Variants in STK10 observed in about 807,000 individuals in gnomAD.
The protein encoded by STK10 is serine/threonine kinase 10.
A neutral mutation model predicts 113.8 loss-of-function variants in STK10; 78 were observed. The ratio of observed to expected loss-of-function variants is 0.69; its 90% CI spans 0.57 to 0.83. The LOEUF (loss-of-function observed/expected upper bound fraction) is 0.83, where lower values mean the gene tolerates loss of function less well. STK10 is among the 40% of genes least tolerant of loss of function. The probability of loss-of-function intolerance (pLI) is 0.00; values close to 1 mark genes in which losing one functional copy is unlikely to be tolerated. For synonymous variants in STK10, 465 were observed against 494.7 expected (o/e 0.94, Z 0.80); for missense variants, 1,109 against 1,280.1 (o/e 0.87, Z 2.04).
rs150864508 is a variant in STK10 at position 172,132,851 on chromosome 5, C to T, written c.322-5430G>A. Among the ~76,000 whole-genome samples, 72 of 152,256 alleles carry T rather than the reference C, an allele frequency of 4.7e-4. No individual in the cohort carries two copies. The East Asian group carries it at 0.013, about 28-fold the overall frequency. On this transcript the variant is annotated intron_variant, in intron 2 of 18. Coordinates refer to ENST00000176763, the MANE Select transcript of STK10 (RefSeq NM_005990.4). ...CAGGGAGAATCAAACAGGTCCCTGC[C>T]CCAAAATCACCAGCTGAGGGAGATA...
chr5:172,156,722 G>C lies in STK10; in HGVS notation c.223C>G (p.Leu75Val). ...TCAATCTCCACGATGTAGTCCTCCA[G>C]CTCCTCCTCACTCTTGGTTTCAATG... is the stretch of plus-strand genomic sequence containing the variant. ...KVIETKSEEE[L>V]EDYIVEIEIL... The change falls in exon 2 of 19, where the codon CTG becomes GTG. Residue 75 changes from leucine (L) to valine (V), a missense_variant. Transcript: ENST00000176763. 1 of 1,614,172 alleles carries C rather than the reference G, an allele frequency of 6.2e-7. No individual in the cohort carries two copies. Among genetic ancestry groups the C allele is most frequent in the African/African-American group, 1.3e-5 (1 of 75,060 alleles).
chr5:172,049,126 T>A (rs1249560839), intron 18 of STK10, among the ~76,000 whole-genome samples: 1 of 152,156 alleles, frequency 6.6e-6, no homozygotes, highest in African/African-American at 2.4e-5. Flanking sequence ...GGCCCCTTAC[T>A]AGAAGGTCGG....
chr5:172,109,347 A>G (rs1198166482), intron 4 of STK10, among the ~76,000 whole-genome samples: 2 of 149,238 alleles, frequency 1.3e-5, no homozygotes, highest in Non-Finnish European at 3.0e-5. Flanking sequence ...TTTTCATGAC[A>G]GAGTCCACTC....
intron 4 of STK10, among the ~76,000 whole-genome samples, chr5:172,110,438 C>T (rs1379117283): frequency 1.3e-5 from 2 of 152,232 alleles, no homozygotes; most frequent in Non-Finnish European, 2.9e-5. Context: ...CGACAGGCAC[C>T]TGGCAAAACC....
At chr5:172,068,863 C>T (rs536852504) in intron 12 of STK10, among the ~76,000 whole-genome samples, 4 of 148,206 alleles carry the variant, frequency 2.7e-5, no homozygotes, top group East Asian at 2.0e-4. Context: ...TCAGCCTGGG[C>T]GACAGAGCAA....
At chr5:172,131,115 G>A (rs1014306785) in intron 2 of STK10, among the ~76,000 whole-genome samples, 2 of 141,246 alleles carry the variant, frequency 1.4e-5, no homozygotes, top group African/African-American at 5.4e-5. Flanking sequence ...CTCACTGCAA[G>A]CTCCGCCTCC....
chr5:172,082,231 C>A lies in STK10; in HGVS notation c.1989+95G>T. ...TCCCGAGCTCTTCAGCCGTACCCCT[C>A]TGCTGCCAAGGTGAGGTTGAGGCCA... On this transcript the variant is annotated intron_variant, in intron 12 of 18. Transcript: ENST00000176763. The surrounding 1 kb of genome is among the most constrained non-coding windows in gnomAD (Gnocchi z 4.3). 1 of 1,387,532 alleles carries A rather than the reference C, an allele frequency of 7.2e-7. No individual in the cohort carries two copies. Among genetic ancestry groups the A allele is most frequent in the Non-Finnish European group, 9.5e-7 (1 of 1,054,008 alleles). The allele number at this position is 1,387,532 out of a possible 1,614,324, so 86.0% of individuals were successfully genotyped here.
intron 4 of STK10, among the ~76,000 whole-genome samples, chr5:172,112,114 C>G (rs1000363615): frequency 3.3e-5 from 5 of 152,214 alleles, no homozygotes; most frequent in Admixed American, 3.3e-4. Flanking sequence ...AAGAATGAGG[C>G]TGTATTTGTA....
At chr5:172,104,391 C>T (rs955832100) in intron 7 of STK10, among the ~76,000 whole-genome samples, 4 of 151,554 alleles carry the variant, frequency 2.6e-5, no homozygotes, top group East Asian at 1.9e-4. Flanking sequence ...CGCCCTAACT[C>T]GAGGCATGGG....
chr5:172,057,050 A>AG (rs1767820369), intron 15 of STK10: 2 of 217,798 alleles, frequency 9.2e-6, no homozygotes, highest in South Asian at 1.5e-4. Context: ...AGAAAGAAAG[A>AG]AAAGAAGAAA....
intron 12 of STK10, among the ~76,000 whole-genome samples, chr5:172,074,513 G>C (rs545708089): frequency 2.6e-5 from 4 of 152,282 alleles, no homozygotes; most frequent in Non-Finnish European, 5.9e-5. Context: ...TATTATAGCA[G>C]TAATAATAAT....
chr5:172,090,068 G>C (rs1768662658), intron 10 of STK10, among the ~76,000 whole-genome samples, 164 bp downstream of exon 10: 1 of 152,090 alleles, frequency 6.6e-6, no homozygotes, highest in Admixed American at 6.5e-5. Context: ...CGGTTGGGTA[G>C]ATGGGGGAGT....
At chr5:172,061,083 T>C in intron 14 of STK10, 56 bp downstream of exon 14, 1 of 1,545,764 alleles carries the variant, frequency 6.5e-7, no homozygotes, top group Non-Finnish European at 8.7e-7. Context: ...TTCCCAGGGC[T>C]GGGATGTCCA....
At chr5:172,100,847 A>G (rs1768974905) in intron 7 of STK10, among the ~76,000 whole-genome samples, 1 of 152,178 alleles carries the variant, frequency 6.6e-6, no homozygotes, top group Admixed American at 6.6e-5. Flanking sequence ...AGGCGCTGGC[A>G]TCTCTTTCAA....
chr5:172,122,099 C>G (rs900290643), intron 3 of STK10, among the ~76,000 whole-genome samples: 3 of 152,158 alleles, frequency 2.0e-5, no homozygotes, highest in Admixed American at 6.5e-5. Flanking sequence ...AACTCCTGAC[C>G]TTGTGATCCA....
At chr5:172,058,214 G>C (rs1287360690) in intron 14 of STK10, among the ~76,000 whole-genome samples, 1 of 152,144 alleles carries the variant, frequency 6.6e-6, no homozygotes, top group Non-Finnish European at 1.5e-5. Flanking sequence ...GTGCAAAATG[G>C]TATCTGCTTT....
rs369257606 is a variant in STK10, at chr5:172,080,187, A to G, written c.1989+2139T>C. Among the ~76,000 whole-genome samples, 22 of 152,270 alleles carry G rather than the reference A, an allele frequency of 1.4e-4. No individual in the cohort carries two copies. The East Asian group carries it at 3.3e-3, about 23-fold the overall frequency. On this transcript the variant is annotated intron_variant, in intron 12 of 18. Transcript: ENST00000176763. Reference sequence around the variant, plus strand: ...GTTATAGGGTGCCACGAGCCCATATAAGACAGCAAACTTAATCAATAAGTG... The same window carrying G: ...GTTATAGGGTGCCACGAGCCCATATGAGACAGCAAACTTAATCAATAAGTG...
intron 7 of STK10, among the ~76,000 whole-genome samples, chr5:172,101,968 T>TG (rs373777586): frequency 0.018 from 1,186 of 66,450 alleles, 18 homozygotes; most frequent in African/African-American, 0.056. Context: ...GTCAGCAGGG[T>TG]GGGGGGGGCG....
intron 17 of STK10, among the ~76,000 whole-genome samples, chr5:172,054,364 G>A (rs537745019): frequency 2.6e-5 from 4 of 152,324 alleles, no homozygotes; most frequent in Non-Finnish European, 4.4e-5. Flanking sequence ...TTTTAGGGGT[G>A]TGAGAGCTAT....
Sources: gnomAD v4.1 joint callset for allele counts (sites outside exome capture counted in the v4.1 genomes callset) on GRCh38, gnomAD v4.1.1 for gene constraint, Gnocchi (gnomAD v3.1) non-coding constraint, MANE v1.5 for transcripts, NCBI Gene and HGNC (gene_info 2026-07-23, HGNC 2026-07-21) for gene names.